Variants in VPS13B observed in about 807,000 individuals in gnomAD.
VPS13B encodes vacuolar protein sorting 13 homolog B.
A neutral mutation model predicts 426.4 loss-of-function variants in VPS13B; 285 were observed. The ratio of observed to expected loss-of-function variants is 0.67; its 90% CI spans 0.61 to 0.74. The LOEUF (loss-of-function observed/expected upper bound fraction) is 0.74. VPS13B is among the 30% of genes least tolerant of loss of function. The pLI, the probability that VPS13B is intolerant of heterozygous loss-of-function variation, is 0.00. For missense variants in VPS13B, 4,537 were observed against 4,782.6 expected (o/e 0.95, Z 1.51); for synonymous variants, 1,676 against 1,676.4 (o/e 1.00, Z 0.01).
At chr8:99,757,593 A>G (rs1420914809) in intron 39 of VPS13B, among the ~76,000 whole-genome samples, 1 of 152,230 alleles carries the variant, frequency 6.6e-6, no homozygotes, top group Non-Finnish European at 1.5e-5. Context: ...TGGCAGTACT[A>G]TTAAGTAATA....
chr8:99,541,383 GT>G (rs1487532558), intron 30 of VPS13B, among the ~76,000 whole-genome samples: 1 of 152,026 alleles, frequency 6.6e-6, no homozygotes, highest in East Asian at 1.9e-4. Context: ...GGACATGCAG[GT>G]TTGTTGTTAC....
At chr8:99,425,086 CA>C (rs1334334742) in intron 21 of VPS13B, among the ~76,000 whole-genome samples, 2 of 151,924 alleles carry the variant, frequency 1.3e-5, no homozygotes, top group East Asian at 1.9e-4. Flanking sequence ...GCTTACCAAC[CA>C]AAAAAAGTCC....
intron 3 of VPS13B, among the ~76,000 whole-genome samples, chr8:99,078,464 G>A (rs1336113619): frequency 6.6e-6 from 1 of 151,832 alleles, no homozygotes; most frequent in Non-Finnish European, 1.5e-5. Context: ...AGTGGCTTAG[G>A]CTGTGGTTCT....
intron 19 of VPS13B, among the ~76,000 whole-genome samples, chr8:99,353,513 G>A (rs570813580): frequency 5.9e-5 from 9 of 151,678 alleles, no homozygotes; most frequent in African/African-American, 7.3e-5. Flanking sequence ...AATAAAAATC[G>A]GTTCATCAAT....
At chr8:99,397,423 G>A (rs1468169590) in intron 21 of VPS13B, among the ~76,000 whole-genome samples, 1 of 152,164 alleles carries the variant, frequency 6.6e-6, no homozygotes, top group African/African-American at 2.4e-5. Context: ...GATTACAGGT[G>A]TGAGCCACCA....
At chr8:99,592,977 G>A (rs1826769167) in intron 33 of VPS13B, among the ~76,000 whole-genome samples, 1 of 152,102 alleles carries the variant, frequency 6.6e-6, no homozygotes, top group Admixed American at 6.5e-5. Context: ...GAAAATCTAG[G>A]CAGTACCATT....
intron 8 of VPS13B, among the ~76,000 whole-genome samples, chr8:99,124,401 G>C (rs1453777244): frequency 1.3e-5 from 2 of 152,114 alleles, no homozygotes. Flanking sequence ...ATATAATCTA[G>C]CTATTTTATT....
chr8:99,434,264 C>T (rs1817262228), intron 22 of VPS13B, among the ~76,000 whole-genome samples: 1 of 152,152 alleles, frequency 6.6e-6, no homozygotes, highest in South Asian at 2.1e-4. Flanking sequence ...AGCCCTTAGT[C>T]CTACAGATGT....
chr8:99,476,940 A>G (rs1180368166), intron 24 of VPS13B, among the ~76,000 whole-genome samples: 1 of 152,138 alleles, frequency 6.6e-6, no homozygotes, highest in Non-Finnish European at 1.5e-5. Context: ...TATTTTTCTA[A>G]TTACTAATAA....
chr8:99,250,933 A>T (rs1817474639), intron 17 of VPS13B, among the ~76,000 whole-genome samples: 1 of 151,602 alleles, frequency 6.6e-6, no homozygotes. Context: ...TTTAAATGGT[A>T]TTACATTTTC....
chr8:99,418,275 C>T (rs1816147372), intron 21 of VPS13B, among the ~76,000 whole-genome samples: 1 of 151,844 alleles, frequency 6.6e-6, no homozygotes, highest in Admixed American at 6.6e-5. Context: ...TCCCTCCCTC[C>T]TTTCTTCTTT....
intron 3 of VPS13B, among the ~76,000 whole-genome samples, chr8:99,071,480 C>T (rs561498874): frequency 6.6e-6 from 1 of 152,316 alleles, no homozygotes; most frequent in Non-Finnish European, 1.5e-5. Context: ...GTGACACAAG[C>T]ATCCATGTGG....
rs1322952801 is a variant in VPS13B, at chr8:99,106,474, CA to C, written c.580+3360del. Reference sequence around the variant, plus strand: ...AAAAAACCCAAAACAAACAAACAAACAAAAAACCCATATAGCTAAACGACAT... The same window carrying C: ...AAAAAACCCAAAACAAACAAACAAACAAAAACCCATATAGCTAAACGACAT... On this transcript the variant is annotated intron_variant, in intron 5 of 61. Coordinates refer to ENST00000357162, the MANE Select transcript of VPS13B (RefSeq NM_152564.5). 6.2e-5 allele frequency among the ~76,000 whole-genome samples: 8 copies of C among 129,542 alleles called. No homozygotes were observed. In the East Asian group the frequency reaches 1.7e-3, roughly 28 times the overall value. The allele number at this position is 129,542 out of a possible 152,430, so 85.0% of individuals were successfully genotyped here. A position where few individuals can be genotyped will look rare whatever the true frequency, so the allele number is the denominator to read the frequency against.
At chr8:99,750,563 G>C (rs549963972) in intron 39 of VPS13B, among the ~76,000 whole-genome samples, 6 of 152,082 alleles carry the variant, frequency 3.9e-5, no homozygotes, top group Admixed American at 6.6e-5. Flanking sequence ...TGGGCTTTAC[G>C]TGAGCAGGCT....
At chr8:99,333,257 A>G (rs1810642763) in intron 19 of VPS13B, among the ~76,000 whole-genome samples, 1 of 151,768 alleles carries the variant, frequency 6.6e-6, no homozygotes, top group South Asian at 2.1e-4. Flanking sequence ...TTTTGGAGAA[A>G]GATGTGCATG....
intron 31 of VPS13B, among the ~76,000 whole-genome samples, chr8:99,562,786 G>C (rs576513450): frequency 6.6e-6 from 1 of 152,078 alleles, no homozygotes; most frequent in East Asian, 1.9e-4. Flanking sequence ...ATTTACTAAA[G>C]ATACTAGTCT....
chr8:99,852,759 T>C (rs896332178), intron 55 of VPS13B, among the ~76,000 whole-genome samples: 9 of 152,002 alleles, frequency 5.9e-5, no homozygotes, highest in African/African-American at 2.2e-4. Context: ...AGTTTCTGTG[T>C]AGAGAGGATC....
intron 30 of VPS13B, among the ~76,000 whole-genome samples, chr8:99,522,515 C>G (rs1202609751): frequency 6.6e-6 from 1 of 151,924 alleles, no homozygotes; most frequent in Non-Finnish European, 1.5e-5. Flanking sequence ...GTCATCTTTA[C>G]TGGTCTTCCT....
chr8:99,501,917 TC>T (rs1821260858), intron 26 of VPS13B, 59 bp downstream of exon 26: 6 of 1,297,538 alleles, frequency 4.6e-6, no homozygotes, highest in Non-Finnish European at 6.1e-6. Flanking sequence ...CCTCCCTCCC[TC>T]CCTCCCTCCC....
Sources: allele counts gnomAD v4.1 joint callset (sites outside exome capture counted in the v4.1 genomes callset), GRCh38; gene constraint gnomAD v4.1.1; transcripts MANE v1.5; gene names NCBI Gene and HGNC (gene_info 2026-07-23, HGNC 2026-07-21).